Variants in SEC16A observed in about 807,000 individuals in gnomAD.
SEC16A encodes protein transport protein Sec16A.
Under a neutral mutation model 221.9 loss-of-function variants are expected in SEC16A, and 110 were observed. The observed-to-expected ratio is 0.50, with a 90% CI of 0.42 to 0.58. The LOEUF (loss-of-function observed/expected upper bound fraction) is 0.58. Among genes scored for constraint, SEC16A ranks in the 20% least tolerant of loss-of-function variants. The pLI is 0.00. For missense variants in SEC16A, 3,165 were observed against 3,097.8 expected, an observed-to-expected ratio of 1.02 and a Z score of -0.52; for synonymous variants, 1,393 against 1,257.7, an observed-to-expected ratio of 1.11 and a Z score of -2.28.
In SEC16A at chr9:136,475,272, G is replaced by A. The variant is rs758756567; in HGVS notation, c.2344C>T (p.Arg782Ter). 1 of 1,613,474 alleles carries A rather than the reference G, an allele frequency of 6.2e-7. No individual in the cohort carries two copies. Among genetic ancestry groups the A allele is most frequent in the Non-Finnish European group, 8.5e-7 (1 of 1,179,868 alleles). The change falls in exon 3 of 32, where the codon CGA (arginine) becomes TGA (stop). Residue 782 changes from arginine to a stop codon, truncating the protein, a stop_gained. Transcript: ENST00000684901. LOFTEE classifies it high-confidence loss of function. The surrounding 1 kb of genome is among the most constrained non-coding windows in gnomAD (Gnocchi z 5.0). The part of the protein sequence containing the change: ...NPSSAAPVQS[R>*]GGIGASENLE... ...TTCTCAGAAGCACCAATGCCACCTC[G>A]GCTCTGCACCGGGGCCGCCGAGCTT...
intron 12 of SEC16A, among the ~76,000 whole-genome samples, chr9:136,461,942 C>CAA (rs746037656): frequency 1.9e-5 from 2 of 103,610 alleles, no homozygotes; most frequent in Non-Finnish European, 4.1e-5. Context: ...CCCGTCTCTA[C>CAA]AAAAAAAAAA....
In SEC16A at chr9:136,475,552, C is replaced by T; in HGVS notation, c.2064G>A (p.Met688Ile). 2.5e-6 allele frequency: 4 copies of T among 1,613,476 alleles called. No homozygotes were observed. The highest frequency in any genetic ancestry group is 3.4e-6 in the Non-Finnish European group (4 of 1,179,734). ...AGGGCGGTGCCCCTGCGTGCGGAAG[C>T]ATGTGCACAGCTTCCGTGGTGGAGT... Reference protein sequence around the residue: ...PLNSTTEAVHMLPHAGAPPLD... With the variant: ...PLNSTTEAVHILPHAGAPPLD... The change falls in exon 3 of 32, where the codon ATG becomes ATA. Residue 688 changes from methionine (M) to isoleucine (I), a missense_variant. Met to Ile is a conservative substitution (Grantham distance 10). Coordinates refer to ENST00000684901, the MANE Select transcript of SEC16A (RefSeq NM_014866.2). The surrounding 1 kb of genome is among the most constrained non-coding windows in gnomAD (Gnocchi z 5.0).
In SEC16A at chr9:136,462,517, C is replaced by A. The variant is rs1241466298; in HGVS notation, c.4893+370G>T. Among the ~76,000 whole-genome samples, 3 of 152,258 alleles carry A rather than the reference C, an allele frequency of 2.0e-5. No individual in the cohort carries two copies. In the East Asian group the frequency reaches 5.8e-4, roughly 29 times the overall value. The stretch of plus-strand genomic sequence containing the variant: ...GTGCCCTCCCAACTCCCAATGACTT[C>A]TGGGCTGTGGACTCGAGTCTGACTT... On this transcript the variant is annotated intron_variant, in intron 12 of 31. Coordinates refer to ENST00000684901, the MANE Select transcript of SEC16A (RefSeq NM_014866.2).
chr9:136,446,472 ATATACTTAACTT>A (rs1837007191), intron 28 of SEC16A, among the ~76,000 whole-genome samples: 1 of 151,664 alleles, frequency 6.6e-6, no homozygotes, highest in Non-Finnish European at 1.5e-5. Flanking sequence ...TTGGATGAAA[ATATACTTAACTT>A]TTATTATCGG....
Position 136,446,889 on chromosome 9 carries a change from C to G in SEC16A, c.6758G>C (p.Gly2253Ala), listed in dbSNP as rs896059806. ...TGREGPAAAR[G>A]LANPEPAPEP... is the part of the protein sequence containing the mutation. ...TGGGGCAGGCTCTGGATTGGCCAGG[C>G]CCCTAGCTGCTGCAGGCCCTTCCCT... Residue 2253 changes from glycine (G) to alanine (A), a missense_variant, in exon 28 of 32, where the codon GGC (glycine) becomes GCC (alanine). Gly to Ala is a moderately conservative substitution (Grantham distance 60). Coordinates refer to ENST00000684901, the MANE Select transcript of SEC16A (RefSeq NM_014866.2). The G allele has an allele frequency of 1.9e-6, 3 of 1,613,122 alleles. No individual in the cohort carries two copies. Among genetic ancestry groups the G allele is most frequent in the South Asian group, 2.2e-5 (2 of 91,030 alleles).
chr9:136,454,319 T>C lies in SEC16A; in HGVS notation c.5866A>G (p.Thr1956Ala), dbSNP rs953593413. ...SVRLLPSAPQ[T>A]LPDGPLASPA... ...CTGGCCAATGGGCCGTCAGGGAGCG[T>C]CTGCGGAGCTGCATGGGAACGGTGG... The change falls in exon 21 of 32, where the codon ACG becomes GCG. Residue 1956 changes from threonine to alanine, a missense_variant. Physicochemically the swap from Thr to Ala is moderately conservative, Grantham distance 58. Coordinates refer to ENST00000684901, the MANE Select transcript of SEC16A (RefSeq NM_014866.2). 1 of 1,573,660 alleles carries C rather than the reference T, an allele frequency of 6.4e-7. No individual in the cohort carries two copies. The highest frequency in any genetic ancestry group is 8.6e-7 in the Non-Finnish European group (1 of 1,159,982).
rs1837211498 is a variant in SEC16A at position 136,447,744 on chromosome 9, G to A, written c.6448-64C>T. 1.3e-6 allele frequency: 2 copies of A among 1,550,968 alleles called. No homozygotes were observed. Among genetic ancestry groups the A allele is most frequent in the Non-Finnish European group, 1.8e-6 (2 of 1,129,374 alleles). Reference sequence around the variant, plus strand: ...CACAGAAACCCACTGGGATGGCACAGTCAGGAGGCTCCAAAAGGGGCAACA... The same window carrying A: ...CACAGAAACCCACTGGGATGGCACAATCAGGAGGCTCCAAAAGGGGCAACA... On this transcript the variant is annotated intron_variant, in intron 25 of 31. Transcript: ENST00000684901. The surrounding 1 kb of genome is among the most constrained non-coding windows in gnomAD (Gnocchi z 5.5).
chr9:136,468,712 T>A (rs1588973597), intron 4 of SEC16A, among the ~76,000 whole-genome samples, 200 bp from the exon 5 acceptor site: 1 of 152,228 alleles, frequency 6.6e-6, no homozygotes, highest in Non-Finnish European at 1.5e-5. Context: ...AAATTCATCT[T>A]GGTAAAATAA....
At chr9:136,452,722 C>T (rs1233866492) in intron 22 of SEC16A, among the ~76,000 whole-genome samples, 2 of 136,512 alleles carry the variant, frequency 1.5e-5, no homozygotes, top group East Asian at 4.3e-4. Flanking sequence ...GCCAAGATGG[C>T]GCCACTGCAT....
In SEC16A at chr9:136,455,745, G is replaced by A; in HGVS notation, c.5713C>T (p.Pro1905Ser). The A allele has an allele frequency of 6.9e-6, 11 of 1,599,820 alleles. No individual in the cohort carries two copies. Among genetic ancestry groups the A allele is most frequent in the Non-Finnish European group, 9.4e-6 (11 of 1,173,618 alleles). The change falls in exon 20 of 32, where the codon CCT becomes TCT. Residue 1905 changes from proline (P) to serine (S), a missense_variant. By Grantham distance (74) the Pro-to-Ser change is moderately conservative. Around this residue, in one of 3 missense-constraint regions of SEC16A, gnomAD observed 1,088 missense variants for 1,089.6 expected, o/e 1.00. Coordinates refer to ENST00000684901, the MANE Select transcript of SEC16A (RefSeq NM_014866.2). ...HQDGALPQQC[P>S]GTPSSEMEQL... ...TCCATCTCGGAACTCGGAGTGCCAG[G>A]ACACTGCTGCGGGAGGGCTCCATCC... is the stretch of plus-strand genomic sequence containing the variant.
At position 136,474,878 on chromosome 9, in the gene SEC16A, G is replaced by C; in HGVS notation, c.2738C>G (p.Ala913Gly). ...AQSNFPQGSG[A>G]SEMVSNQPAN... is the part of the protein sequence containing the mutation. ...AGGCTGATTAGAAACCATTTCGGAA[G>C]CACCAGAACCTTGTGGAAAATTACT... Residue 913 changes from alanine to glycine, a missense_variant, in exon 3 of 32, where the codon GCT becomes GGT. Ala to Gly is a moderately conservative substitution (Grantham distance 60). This residue lies in a region of SEC16A where 2,030 missense variants were observed against 1,923.1 expected (regional missense o/e 1.06). Transcript: ENST00000684901. 6.2e-7 allele frequency: 1 copy of C among 1,613,930 alleles called. No individual in the cohort carries two copies. The highest frequency in any genetic ancestry group is 8.5e-7 in the Non-Finnish European group (1 of 1,179,892).
chr9:136,452,860 C>G (rs1363342226), intron 22 of SEC16A, among the ~76,000 whole-genome samples: 1 of 148,360 alleles, frequency 6.7e-6, no homozygotes, highest in Non-Finnish European at 1.5e-5. Flanking sequence ...ATCATGAGGT[C>G]AGGAGTTTAA....
chr9:136,457,183 A>C (rs1447700100), intron 18 of SEC16A, among the ~76,000 whole-genome samples: 1 of 152,244 alleles, frequency 6.6e-6, no homozygotes, highest in Non-Finnish European at 1.5e-5. Flanking sequence ...TCAATAAAAG[A>C]AGAGTATCCT....
rs528894997 is a variant in SEC16A at position 136,440,425 on chromosome 9, G to A, written c.*1330C>T. Reference sequence around the variant, plus strand: ...ATGATCAAGTGAAACAGAAAGCCAGGAAGGATCTGTGCTAATTCCACATTC... The same window carrying A: ...ATGATCAAGTGAAACAGAAAGCCAGAAAGGATCTGTGCTAATTCCACATTC... On this transcript the variant is annotated 3_prime_UTR_variant, in exon 32 of 32. Coordinates refer to ENST00000684901, the MANE Select transcript of SEC16A (RefSeq NM_014866.2). The A allele has an allele frequency of 1.3e-5, 2 of 152,696 alleles. No individual in the cohort carries two copies. Among genetic ancestry groups the A allele is most frequent in the South Asian group, 2.1e-4 (1 of 4,824 alleles). 9.5% of individuals were successfully genotyped at this position (152,696 alleles called of 1,614,324 possible).
chr9:136,463,695 G>A lies in SEC16A; in HGVS notation c.4492C>T (p.Pro1498Ser). 4 of 1,612,942 alleles carry A rather than the reference G, an allele frequency of 2.5e-6. No homozygotes were observed. Among genetic ancestry groups the A allele is most frequent in the Non-Finnish European group, 3.4e-6 (4 of 1,179,736 alleles). The change falls in exon 10 of 32, where the codon CCG (proline) becomes TCG (serine). Residue 1498 changes from proline (P) to serine (S), a missense_variant. Pro to Ser is a moderately conservative substitution (Grantham distance 74). Coordinates refer to ENST00000684901, the MANE Select transcript of SEC16A (RefSeq NM_014866.2). ...GGAACATACTTGGCCAGGGGTCCCG[G>A]GAACGCCCGCATCTCCTCCTGCTCA... The part of the protein sequence containing the change: ...TSEQEEMRAF[P>S]GPLAKDDTHK...
At chr9:136,450,444 C>A (rs1478580210) in intron 23 of SEC16A, among the ~76,000 whole-genome samples, 1 of 151,762 alleles carries the variant, frequency 6.6e-6, no homozygotes, top group African/African-American at 2.4e-5. Flanking sequence ...GAGTTTGAGA[C>A]CAGCCTGGGC....
chr9:136,442,569 G>A (rs1836345992), intron 31 of SEC16A, among the ~76,000 whole-genome samples: 1 of 152,262 alleles, frequency 6.6e-6, no homozygotes, highest in Non-Finnish European at 1.5e-5. Flanking sequence ...CCACAGGCAA[G>A]GGAGAGGGGA....
intron 4 of SEC16A, 122 bp downstream of exon 4, chr9:136,471,853 T>C (rs1349810532): frequency 8.5e-7 from 1 of 1,180,024 alleles, no homozygotes; most frequent in Non-Finnish European, 1.2e-6. Flanking sequence ...ATATGTTAGA[T>C]AAGTTTGTAC....
At chr9:136,451,541 G>T in intron 22 of SEC16A, 133 bp from the exon 23 acceptor site, 1 of 1,083,246 alleles carries the variant, frequency 9.2e-7, no homozygotes. Context: ...GTGACCAGAG[G>T]GAGGCAGGAA....
Sources: allele counts gnomAD v4.1 joint callset (sites outside exome capture counted in the v4.1 genomes callset), GRCh38; gene constraint gnomAD v4.1.1; regional missense constraint gnomAD v4.1.1; non-coding constraint Gnocchi (gnomAD v3.1); transcripts MANE v1.5; gene names NCBI Gene and HGNC (gene_info 2026-07-23, HGNC 2026-07-21).